Variants in SGCZ observed in about 807,000 individuals in gnomAD.
SGCZ encodes zeta-sarcoglycan.
SGCZ carries 40 observed loss-of-function variants against 41.3 expected under a neutral mutation model. The ratio of observed to expected loss-of-function variants is 0.97; its 90% CI spans 0.75 to 1.26. The LOEUF (loss-of-function observed/expected upper bound fraction) is 1.26, where lower values mean the gene tolerates loss of function less well. Among genes scored for constraint, SGCZ ranks in the 50% most tolerant of loss-of-function variants. The pLI is 0.00. For synonymous variants in SGCZ, 206 were observed against 137.5 expected, an observed-to-expected ratio of 1.50 and a Z score of -3.49; for missense variants, 552 against 369.8, an observed-to-expected ratio of 1.49 and a Z score of -4.04.
At chr8:14,148,374 C>G (rs1803592340) in intron 5 of SGCZ, among the ~76,000 whole-genome samples, 1 of 151,736 alleles carries the variant, frequency 6.6e-6, no homozygotes, top group African/African-American at 2.4e-5. Flanking sequence ...ACTGACACTG[C>G]CAAAACGTCA....
At chr8:14,949,424 G>A (rs1356967697) in intron 1 of SGCZ, among the ~76,000 whole-genome samples, 1 of 152,068 alleles carries the variant, frequency 6.6e-6, no homozygotes, top group Non-Finnish European at 1.5e-5. Flanking sequence ...TTCACTCTAT[G>A]GACAGGAGAA....
At chr8:14,856,961 C>G (rs1585322753) in intron 1 of SGCZ, among the ~76,000 whole-genome samples, 2 of 152,090 alleles carry the variant, frequency 1.3e-5, no homozygotes, top group Non-Finnish European at 2.9e-5. Context: ...TGTCTCTGCC[C>G]AAATCTGAAG....
chr8:15,007,775 T>C (rs1049867728), intron 1 of SGCZ, among the ~76,000 whole-genome samples: 2 of 152,236 alleles, frequency 1.3e-5, no homozygotes, highest in East Asian at 1.9e-4. Context: ...AATTGAAATA[T>C]AATTACTGTG....
chr8:14,871,477 A>C (rs905964912), intron 1 of SGCZ, among the ~76,000 whole-genome samples: 1 of 152,026 alleles, frequency 6.6e-6, no homozygotes, highest in African/African-American at 2.4e-5. Flanking sequence ...AAAGACTTGG[A>C]ACTAACCCAA....
chr8:14,278,089 T>A (rs1275413507), intron 3 of SGCZ, among the ~76,000 whole-genome samples: 1 of 152,110 alleles, frequency 6.6e-6, no homozygotes, highest in Non-Finnish European at 1.5e-5. Flanking sequence ...AACTTTTCAC[T>A]CCCATCGAGT....
intron 1 of SGCZ, among the ~76,000 whole-genome samples, chr8:15,106,429 AATTTT>A (rs1394991694): frequency 6.6e-6 from 1 of 151,958 alleles, no homozygotes; most frequent in African/African-American, 2.4e-5. Flanking sequence ...CATATACTTT[AATTTT>A]AAATTTTTCT....
chr8:14,402,663 C>G (rs1175449696), intron 2 of SGCZ, among the ~76,000 whole-genome samples: 1 of 142,714 alleles, frequency 7.0e-6, no homozygotes, highest in African/African-American at 3.0e-5. Context: ...TGTTTTGGTA[C>G]CAGTACCACG....
intron 1 of SGCZ, among the ~76,000 whole-genome samples, chr8:14,622,610 A>T (rs1806323142): frequency 6.6e-6 from 1 of 152,158 alleles, no homozygotes; most frequent in Non-Finnish European, 1.5e-5. Flanking sequence ...TACTCATTCA[A>T]GATGTTTTAG....
intron 4 of SGCZ, among the ~76,000 whole-genome samples, chr8:14,224,067 A>T (rs1222686814): frequency 6.6e-6 from 1 of 152,228 alleles, no homozygotes; most frequent in Non-Finnish European, 1.5e-5. Flanking sequence ...TTTACATAAT[A>T]AAGCACATCT....
intron 1 of SGCZ, among the ~76,000 whole-genome samples, chr8:15,060,881 G>A (rs1025114843): frequency 2.0e-5 from 3 of 152,098 alleles, no homozygotes; most frequent in Non-Finnish European, 4.4e-5. Context: ...TCAAATTTCA[G>A]TTTAGTTTTT....
intron 1 of SGCZ, among the ~76,000 whole-genome samples, chr8:15,145,480 T>C (rs1434886559): frequency 6.6e-6 from 1 of 152,146 alleles, no homozygotes; most frequent in African/African-American, 2.4e-5. Flanking sequence ...TCTGTCTTCT[T>C]TTTTTACACA....
At chr8:15,236,602 G>T (rs1175582136) in intron 1 of SGCZ, among the ~76,000 whole-genome samples, 1 of 152,184 alleles carries the variant, frequency 6.6e-6, no homozygotes, top group Non-Finnish European at 1.5e-5. Flanking sequence ...CGTTTACGGT[G>T]AGCGGGACAT....
chr8:14,350,547 T>C lies in SGCZ; in HGVS notation c.235-26343A>G, dbSNP rs930520028. 3.3e-5 allele frequency among the ~76,000 whole-genome samples: 5 copies of C among 152,024 alleles called. No homozygotes were observed. In the East Asian group the frequency reaches 9.7e-4, roughly 29 times the overall value. ...GCTGAAGATGTGATACCCCATCTAT[T>C]TGGAGAGTGTGCACCCAGTGACCGG... On this transcript the variant is annotated intron_variant, in intron 2 of 7. Coordinates refer to ENST00000382080, the MANE Select transcript of SGCZ (RefSeq NM_139167.4).
intron 1 of SGCZ, among the ~76,000 whole-genome samples, chr8:15,121,744 T>G (rs1042371792): frequency 2.0e-5 from 3 of 151,278 alleles, no homozygotes; most frequent in Non-Finnish European, 2.9e-5. Flanking sequence ...GACAAATGAG[T>G]GGAAATTGTA....
intron 1 of SGCZ, among the ~76,000 whole-genome samples, chr8:15,202,521 G>A (rs760802910): frequency 6.6e-6 from 1 of 151,872 alleles, no homozygotes; most frequent in Non-Finnish European, 1.5e-5. Flanking sequence ...GGTGGGTGAG[G>A]GATAAAAGAC....
intron 1 of SGCZ, among the ~76,000 whole-genome samples, chr8:14,807,807 A>G (rs1341689931): frequency 6.6e-6 from 1 of 152,228 alleles, no homozygotes; most frequent in African/African-American, 2.4e-5. Flanking sequence ...AGCTGGAGGC[A>G]TCACACTATC....
intron 3 of SGCZ, among the ~76,000 whole-genome samples, chr8:14,272,178 A>G (rs1800088691): frequency 6.6e-6 from 1 of 151,918 alleles, no homozygotes; most frequent in African/African-American, 2.4e-5. Flanking sequence ...TAATTTCTGT[A>G]TTTTTTGTAG....
At chr8:14,337,873 G>A (rs919806741) in intron 2 of SGCZ, among the ~76,000 whole-genome samples, 7 of 152,170 alleles carry the variant, frequency 4.6e-5, no homozygotes, top group South Asian at 2.1e-4. Context: ...TGACACAACA[G>A]ATATAAATAG....
chr8:14,511,198 C>T (rs757998008), intron 2 of SGCZ, among the ~76,000 whole-genome samples: 3 of 110,496 alleles, frequency 2.7e-5, no homozygotes, highest in Non-Finnish European at 5.4e-5. Flanking sequence ...TATAAAACTA[C>T]GAATTTTCTT....
Sources: gnomAD v4.1 joint callset for allele counts (sites outside exome capture counted in the v4.1 genomes callset) on GRCh38, gnomAD v4.1.1 for gene constraint, MANE v1.5 for transcripts, NCBI Gene and HGNC (gene_info 2026-07-23, HGNC 2026-07-21) for gene names.